The following KRABD1 variants were observed in gnomAD, a reference collection of about 807,000 sequenced individuals.
KRABD1 encodes KRAB domain containing 1.
the KRABD1 span, among the ~76,000 whole-genome samples, chr3:42,939,725 C>G: frequency 6.6e-6 from 1 of 152,058 alleles, no homozygotes; most frequent in Non-Finnish European, 1.5e-5. Context: ...TGTTGTCACT[C>G]GTTTGCAGTA....
chr3:42,940,284 A>C, the KRABD1 span, among the ~76,000 whole-genome samples: 1 of 152,194 alleles, frequency 6.6e-6, no homozygotes, highest in Admixed American at 6.5e-5. Context: ...TGGTGAACAT[A>C]TATGTCTGTG....
the KRABD1 span, chr3:42,937,183 C>T: frequency 6.6e-6 from 1 of 152,178 alleles, no homozygotes; most frequent in East Asian, 1.9e-4. Flanking sequence ...TTTTACTCCA[C>T]TGTCATAATT....
At chr3:42,936,750 C>T in the KRABD1 span, 1 of 152,254 alleles carries the variant, frequency 6.6e-6, no homozygotes, top group Non-Finnish European at 1.5e-5. Flanking sequence ...GAACATGCCC[C>T]TCGGTCGCTC....
chr3:42,942,565 A>C, the KRABD1 span: 5 of 1,384,360 alleles, frequency 3.6e-6, no homozygotes, highest in African/African-American at 7.2e-5. Context: ...AGATATACTT[A>C]CTTAGCTAAA....
the KRABD1 span, chr3:42,936,601 G>A: frequency 1.3e-5 from 2 of 152,332 alleles, no homozygotes; most frequent in African/African-American, 2.4e-5. Flanking sequence ...GCTGGCCGCA[G>A]GCTCCCACCC....
At chr3:42,941,976 C>A in the KRABD1 span, 1 of 1,535,728 alleles carries the variant, frequency 6.5e-7, no homozygotes, top group African/African-American at 1.4e-5. Context: ...ACTTCCAAAC[C>A]AGCTTTGGTC....
the KRABD1 span, chr3:42,937,350 T>C: frequency 0.73 from 111,372 of 152,068 alleles, 41,911 homozygotes; most frequent in East Asian, 0.97. Flanking sequence ...GTTTTGTGTT[T>C]TGTAGGGTGA....
chr3:42,936,797 A>G, the KRABD1 span: 1 of 152,212 alleles, frequency 6.6e-6, no homozygotes, highest in Non-Finnish European at 1.5e-5. Flanking sequence ...CGGAAACCCC[A>G]ACCCTACCCC....
At chr3:42,940,616 C>CT in the KRABD1 span, among the ~76,000 whole-genome samples, 1 of 152,120 alleles carries the variant, frequency 6.6e-6, no homozygotes, top group Non-Finnish European at 1.5e-5. Flanking sequence ...GCCTTATGCA[C>CT]CAAGTTGGTC....
the KRABD1 span, among the ~76,000 whole-genome samples, chr3:42,941,682 A>G: frequency 6.6e-6 from 1 of 151,944 alleles, no homozygotes; most frequent in Admixed American, 6.6e-5. Context: ...TCTTTTTCCC[A>G]TAGTGAGAGA....
chr3:42,940,107 A>G, the KRABD1 span, among the ~76,000 whole-genome samples: 2 of 152,094 alleles, frequency 1.3e-5, no homozygotes, highest in South Asian at 2.1e-4. Flanking sequence ...TAGAAGATTT[A>G]TTGTTTTACC....
At chr3:42,937,325 A>G in the KRABD1 span, 2 of 152,222 alleles carry the variant, frequency 1.3e-5, no homozygotes, top group African/African-American at 4.8e-5. Context: ...ATAGGAAGAC[A>G]CTTCCATAGG....
chr3:42,938,716 T>C, the KRABD1 span: 8 of 449,726 alleles, frequency 1.8e-5, no homozygotes, highest in Non-Finnish European at 3.3e-5. Flanking sequence ...ATCTCGCCTT[T>C]GTGAGATTGA....
chr3:42,942,161 G>T, the KRABD1 span: 1 of 866,752 alleles, frequency 1.2e-6, no homozygotes, highest in Non-Finnish European at 1.9e-6. Context: ...TCTGTGCCCA[G>T]CATCATGGAG....
At chr3:42,942,509 A>G in the KRABD1 span, 4 of 602,488 alleles carry the variant, frequency 6.6e-6, no homozygotes, top group African/African-American at 5.7e-5. Flanking sequence ...TTTTAAGCTT[A>G]CAGTTGTTAT....
At chr3:42,937,135 C>G in the KRABD1 span, 2 of 152,166 alleles carry the variant, frequency 1.3e-5, no homozygotes, top group Non-Finnish European at 2.9e-5. Context: ...GACCTCTTAA[C>G]ATTGTTCATT....
chr3:42,938,720 A>T, the KRABD1 span: 26 of 450,942 alleles, frequency 5.8e-5, no homozygotes, highest in Non-Finnish European at 1.1e-4. Context: ...CGCCTTTGTG[A>T]GATTGATAAT....
At chr3:42,939,043 C>T in the KRABD1 span, 4 of 751,390 alleles carry the variant, frequency 5.3e-6, no homozygotes, top group Non-Finnish European at 8.3e-6. Context: ...ATATAACATA[C>T]TTTTATATAT....
the KRABD1 span, chr3:42,938,825 T>A: frequency 9.1e-7 from 1 of 1,100,008 alleles, no homozygotes; most frequent in Non-Finnish European, 1.3e-6. Context: ...TTATTATCGT[T>A]AATGTTTTTT....
Sources: allele counts gnomAD v4.1 joint callset (sites outside exome capture counted in the v4.1 genomes callset), GRCh38; gene constraint gnomAD v4.1.1; transcripts MANE v1.5; gene names NCBI Gene and HGNC (gene_info 2026-07-23, HGNC 2026-07-21).